Variants in UCHL3 observed in about 807,000 individuals in gnomAD.
UCHL3 encodes the protein ubiquitin carboxyl-terminal hydrolase isozyme L3.
In UCHL3, 22 loss-of-function variants were observed where a neutral mutation model predicts 35.8. The ratio of observed to expected loss-of-function variants is 0.61; its 90% CI spans 0.44 to 0.88. The LOEUF (loss-of-function observed/expected upper bound fraction) is 0.88. Ranked by LOEUF, UCHL3 falls within the 40% of genes least tolerant of loss-of-function variation. The pLI, the probability that UCHL3 is intolerant of heterozygous loss-of-function variation, is 0.00. For synonymous variants in UCHL3, 90 were observed against 92.8 expected (o/e 0.97, Z 0.17); for missense variants, 229 against 276.9 (o/e 0.83, Z 1.23).
At chr13:75,554,419 A>G (rs148804591) in intron 2 of UCHL3, among the ~76,000 whole-genome samples, 2 of 152,340 alleles carry the variant, frequency 1.3e-5, no homozygotes, top group South Asian at 2.1e-4. Context: ...CTCTCCATGA[A>G]TGTCGGCTAT....
chr13:75,550,018 G>A, intron 2 of UCHL3, 31 bp downstream of exon 2: 1 of 1,614,170 alleles, frequency 6.2e-7, no homozygotes, highest in Non-Finnish European at 8.5e-7. Flanking sequence ...TCGGGACCTC[G>A]GAGTCTTTTC....
At chr13:75,559,178 T>A (rs145569551) in intron 2 of UCHL3, among the ~76,000 whole-genome samples, 3,924 of 151,888 alleles carry the variant, frequency 0.026, 59 homozygotes, top group African/African-American at 0.03. Context: ...TAGCTGGGAA[T>A]ACAGGCGCCA....
At chr13:75,570,029 T>A (rs571668512) in intron 6 of UCHL3, among the ~76,000 whole-genome samples, 1 of 152,352 alleles carries the variant, frequency 6.6e-6, no homozygotes, top group South Asian at 2.1e-4. Context: ...CATTTTTTGG[T>A]TTCTTCATTT....
At chr13:75,586,986 G>A (rs2032340948) in intron 6 of UCHL3, among the ~76,000 whole-genome samples, 1 of 129,624 alleles carries the variant, frequency 7.7e-6, no homozygotes, top group African/African-American at 2.8e-5. Context: ...ATGGCTTCAA[G>A]TCAGAGATCT....
At chr13:75,576,464 C>T (rs1489397007) in intron 6 of UCHL3, among the ~76,000 whole-genome samples, 17 of 152,078 alleles carry the variant, frequency 1.1e-4, no homozygotes, top group Admixed American at 7.9e-4. Context: ...CTCCTGACCT[C>T]GTGCCTCAGC....
At chr13:75,550,483 A>T (rs2031049020) in intron 2 of UCHL3, among the ~76,000 whole-genome samples, 1 of 151,994 alleles carries the variant, frequency 6.6e-6, no homozygotes, top group Admixed American at 6.6e-5. Context: ...CTTCCCCGCC[A>T]CGCCCCCTTT....
chr13:75,569,447 AT>A lies in UCHL3; in HGVS notation c.427-11del. 1 of 1,602,500 alleles carries A rather than the reference AT, an allele frequency of 6.2e-7. No homozygotes were observed. The highest frequency in any genetic ancestry group is 8.5e-7 in the Non-Finnish European group (1 of 1,176,138). ...GGCATTTTTTCCAATGAATACCTTT[AT>A]TCTTATTACAGGCCATCCGAGTTAC... On this transcript the variant is annotated splice_polypyrimidine_tract_variant and intron_variant, in intron 5 of 8. Coordinates refer to ENST00000377595, the MANE Select transcript of UCHL3 (RefSeq NM_006002.5).
intron 6 of UCHL3, among the ~76,000 whole-genome samples, chr13:75,581,205 G>A (rs887594497): frequency 1.2e-4 from 19 of 152,034 alleles, no homozygotes; most frequent in Non-Finnish European, 2.5e-4. Flanking sequence ...TGGTTATAAG[G>A]ATATTTTTCA....
intron 7 of UCHL3, among the ~76,000 whole-genome samples, chr13:75,600,968 T>C (rs558646242): frequency 6.6e-6 from 1 of 152,338 alleles, no homozygotes; most frequent in African/African-American, 2.4e-5. Context: ...TTGGAATAAG[T>C]TGGTTCCAAT....
At chr13:75,592,200 A>C in intron 6 of UCHL3, among the ~76,000 whole-genome samples, 2 of 151,232 alleles carry the variant, frequency 1.3e-5, no homozygotes, top group South Asian at 4.2e-4. Context: ...TCTTTGAGTT[A>C]ACTAAGAAGT....
chr13:75,581,823 A>G (rs1177218581), intron 6 of UCHL3, among the ~76,000 whole-genome samples: 1 of 152,090 alleles, frequency 6.6e-6, no homozygotes, highest in African/African-American at 2.4e-5. Context: ...AAGTGCATGC[A>G]CACTAACTGT....
At chr13:75,593,600 C>T (rs2032568729) in intron 6 of UCHL3, among the ~76,000 whole-genome samples, 1 of 152,082 alleles carries the variant, frequency 6.6e-6, no homozygotes. Flanking sequence ...AGTACTGGAG[C>T]AACAATAAAA....
chr13:75,586,395 T>C (rs1018350918), intron 6 of UCHL3, among the ~76,000 whole-genome samples: 9 of 151,984 alleles, frequency 5.9e-5, no homozygotes, highest in Admixed American at 1.3e-4. Flanking sequence ...CTGTTAGAAC[T>C]GAAAAGAGAA....
intron 2 of UCHL3, among the ~76,000 whole-genome samples, chr13:75,559,913 T>C (rs1021003777): frequency 6.6e-6 from 1 of 152,220 alleles, no homozygotes; most frequent in Non-Finnish European, 1.5e-5. Flanking sequence ...GACATTCTCA[T>C]TTTTTCTCTA....
intron 3 of UCHL3, among the ~76,000 whole-genome samples, chr13:75,563,126 T>C (rs1047081410): frequency 1.7e-4 from 6 of 36,114 alleles, no homozygotes; most frequent in Admixed American, 5.7e-4. Flanking sequence ...CTCATTATCC[T>C]TTATGTATGT....
Position 75,594,845 on chromosome 13 carries a change from G to C in UCHL3, c.475-70G>C. 10 of 1,089,952 alleles carry C rather than the reference G, an allele frequency of 9.2e-6. No homozygotes were observed. The South Asian group carries it at 1.4e-4, about 15-fold the overall frequency. 67.5% of individuals were successfully genotyped at this position (1,089,952 alleles called of 1,614,324 possible). On this transcript the variant is annotated intron_variant, in intron 6 of 8. Coordinates refer to ENST00000377595, the MANE Select transcript of UCHL3 (RefSeq NM_006002.5). ...ATATAATTTGATGTTATTTGTATGT[G>C]TTTATGTATACATGACTGATTTGTT...
At position 75,550,060 on chromosome 13, in the gene UCHL3, C is replaced by T. The variant is rs2031025999; in HGVS notation, c.54+73C>T. On this transcript the variant is annotated intron_variant, in intron 2 of 8. Coordinates refer to ENST00000377595, the MANE Select transcript of UCHL3 (RefSeq NM_006002.5). ...CTCGGTCCGCTTCCCTGCTGGACTC[C>T]ACCTCCACGCTTCCAGGGATTCTGG... 7 of 1,599,308 alleles carry T rather than the reference C, an allele frequency of 4.4e-6. No individual in the cohort carries two copies. In the East Asian group the frequency reaches 1.6e-4, roughly 36 times the overall value.
chr13:75,605,707 T>G, intron 8 of UCHL3, 22 bp from the exon 9 acceptor site: 1 of 1,606,380 alleles, frequency 6.2e-7, no homozygotes, highest in Non-Finnish European at 8.5e-7. Context: ...TGAAAAATCA[T>G]ACTTTTTTTT....
At chr13:75,550,841 T>G (rs750605453) in intron 2 of UCHL3, among the ~76,000 whole-genome samples, 6 of 152,144 alleles carry the variant, frequency 3.9e-5, no homozygotes, top group Non-Finnish European at 8.8e-5. Flanking sequence ...CACCGTGTTC[T>G]TAAAAATATT....
Sources: allele counts gnomAD v4.1 joint callset (sites outside exome capture counted in the v4.1 genomes callset), GRCh38; gene constraint gnomAD v4.1.1; transcripts MANE v1.5; gene names NCBI Gene and HGNC (gene_info 2026-07-23, HGNC 2026-07-21).